The following ME3 variants were observed in gnomAD, a reference collection of about 807,000 sequenced individuals.
ME3 encodes the protein malic enzyme 3.
ME3 carries 48 observed loss-of-function variants against 68.9 expected under a neutral mutation model. The observed-to-expected ratio is 0.70, with a 90% CI of 0.55 to 0.89. ME3 has a LOEUF of 0.89. ME3 is among the 40% of genes least tolerant of loss of function. ME3 has a pLI of 0.00. For synonymous variants in ME3, 320 were observed against 318.8 expected (o/e 1.00, Z -0.04); for missense variants, 675 against 797.4 (o/e 0.85, Z 1.85).
chr11:86,610,164 A>C (rs1942457359), intron 2 of ME3, among the ~76,000 whole-genome samples: 1 of 152,182 alleles, frequency 6.6e-6, no homozygotes, highest in African/African-American at 2.4e-5. Context: ...TAAACACCAA[A>C]TTTATGACAG....
intron 2 of ME3, among the ~76,000 whole-genome samples, chr11:86,592,996 C>G (rs565353621): frequency 2.6e-5 from 4 of 152,146 alleles, no homozygotes; most frequent in African/African-American, 9.7e-5. Context: ...TATCTATTAA[C>G]CTGGTGAAAT....
intron 2 of ME3, among the ~76,000 whole-genome samples, chr11:86,650,992 C>T (rs1318897439): frequency 1.3e-5 from 2 of 152,346 alleles, no homozygotes; most frequent in South Asian, 2.1e-4. Context: ...GAGCCTCACT[C>T]ATTGCTAGCA....
intron 4 of ME3, among the ~76,000 whole-genome samples, chr11:86,518,880 C>T (rs1348029654): frequency 6.6e-6 from 1 of 152,136 alleles, no homozygotes; most frequent in Non-Finnish European, 1.5e-5. Flanking sequence ...ATGATAGAAA[C>T]AGAGATTGGA....
At chr11:86,531,681 G>A (rs1325822081) in intron 4 of ME3, among the ~76,000 whole-genome samples, 1 of 152,110 alleles carries the variant, frequency 6.6e-6, no homozygotes, top group Non-Finnish European at 1.5e-5. Context: ...AAAAAATGAT[G>A]AGTTCATGTC....
At chr11:86,566,341 C>G (rs12269985) in intron 2 of ME3, among the ~76,000 whole-genome samples, 2 of 152,144 alleles carry the variant, frequency 1.3e-5, no homozygotes, top group Non-Finnish European at 2.9e-5. Context: ...AACGAGACCT[C>G]GATTATGCTG....
intron 7 of ME3, among the ~76,000 whole-genome samples, chr11:86,469,439 G>A (rs1269605688): frequency 6.6e-6 from 1 of 152,118 alleles, no homozygotes; most frequent in Non-Finnish European, 1.5e-5. Flanking sequence ...CACCCTCCAG[G>A]TCATACTGTG....
chr11:86,670,362 C>T (rs1946844569), intron 2 of ME3, among the ~76,000 whole-genome samples: 1 of 152,128 alleles, frequency 6.6e-6, no homozygotes, highest in African/African-American at 2.4e-5. Flanking sequence ...AGTAGAGAGC[C>T]AGAGAGAATC....
chr11:86,585,686 A>C (rs560158947), intron 2 of ME3, among the ~76,000 whole-genome samples: 1 of 152,332 alleles, frequency 6.6e-6, no homozygotes, highest in South Asian at 2.1e-4. Flanking sequence ...AGGGTAAAGA[A>C]TTAAGTTGAA....
At chr11:86,637,186 A>G (rs1389370216) in intron 2 of ME3, among the ~76,000 whole-genome samples, 1 of 152,002 alleles carries the variant, frequency 6.6e-6, no homozygotes, top group Non-Finnish European at 1.5e-5. Flanking sequence ...GGGAGTCTCC[A>G]TTAACTCATT....
At chr11:86,550,032 T>C (rs572756312) in intron 4 of ME3, among the ~76,000 whole-genome samples, 1 of 152,244 alleles carries the variant, frequency 6.6e-6, no homozygotes, top group East Asian at 1.9e-4. Flanking sequence ...AACACTCAGG[T>C]CAGCAGTTCT....
chr11:86,582,959 C>A (rs764903966), intron 2 of ME3, among the ~76,000 whole-genome samples: 6 of 151,234 alleles, frequency 4.0e-5, no homozygotes, highest in Non-Finnish European at 8.8e-5. Flanking sequence ...AGTATCTGGG[C>A]GTTAGTGGCA....
intron 4 of ME3, among the ~76,000 whole-genome samples, chr11:86,516,437 G>T (rs1953912188): frequency 6.6e-6 from 1 of 152,042 alleles, no homozygotes; most frequent in African/African-American, 2.4e-5. Context: ...ACCCAGGCTG[G>T]AGTACAGTGG....
chr11:86,613,319 T>C (rs1942725937), intron 2 of ME3, among the ~76,000 whole-genome samples: 1 of 152,152 alleles, frequency 6.6e-6, no homozygotes, highest in Non-Finnish European at 1.5e-5. Context: ...GGAACATATC[T>C]CAAAATAATA....
intron 2 of ME3, among the ~76,000 whole-genome samples, chr11:86,604,134 A>T (rs1298551148): frequency 6.6e-6 from 1 of 151,910 alleles, no homozygotes; most frequent in African/African-American, 2.4e-5. Flanking sequence ...TTGTCAATAG[A>T]TAGGAGTGTC....
intron 2 of ME3, among the ~76,000 whole-genome samples, chr11:86,652,004 A>T (rs1945472250): frequency 2.0e-5 from 3 of 152,242 alleles, no homozygotes. Context: ...GTGACGGAAG[A>T]TCAAATGAAT....
rs189993143 is a variant in ME3, at chr11:86,598,830, C to A, written c.184-39007G>T. ...TTCTGCAGACACCGCTGCTGATACC[C>A]AGGCAAACAGGGTCTGGAGTGGACC... On this transcript the variant is annotated intron_variant, in intron 2 of 14. Transcript: ENST00000543262. Among the ~76,000 whole-genome samples the A allele has an allele frequency of 6.2e-3, 937 of 152,308 alleles. 9 individuals carry two copies. Among genetic ancestry groups the A allele is most frequent in the African/African-American group, 0.022 (903 of 41,556 alleles).
intron 2 of ME3, among the ~76,000 whole-genome samples, chr11:86,609,253 G>C (rs1281352672): frequency 6.6e-6 from 1 of 152,180 alleles, no homozygotes; most frequent in African/African-American, 2.4e-5. Flanking sequence ...CAAGTAGTAA[G>C]TGGTGCCATT....
intron 2 of ME3, among the ~76,000 whole-genome samples, chr11:86,652,970 A>T (rs1034963083): frequency 5.9e-5 from 9 of 152,162 alleles, no homozygotes; most frequent in African/African-American, 2.2e-4. Flanking sequence ...ACAGACTTTA[A>T]ACCAACAAAA....
intron 2 of ME3, among the ~76,000 whole-genome samples, chr11:86,577,070 T>G (rs1958157030): frequency 6.6e-6 from 1 of 152,124 alleles, no homozygotes. Context: ...TCATCACTCT[T>G]TGGGCAGGAT....
Sources: gnomAD v4.1 joint callset for allele counts (sites outside exome capture counted in the v4.1 genomes callset) on GRCh38, gnomAD v4.1.1 for gene constraint, MANE v1.5 for transcripts, NCBI Gene and HGNC (gene_info 2026-07-23, HGNC 2026-07-21) for gene names.